AAMDC: variants seen among roughly 807,000 people sequenced by gnomAD.
The protein encoded by AAMDC is adipogenesis associated Mth938 domain containing, also known as mth938 domain-containing protein.
Under a neutral mutation model 15.5 loss-of-function variants are expected in AAMDC, and 16 were observed. The observed-to-expected ratio is 1.03, with a 90% CI of 0.70 to 1.57. The LOEUF (loss-of-function observed/expected upper bound fraction) is 1.57. Ranked by LOEUF, AAMDC falls within the 40% of genes most tolerant of loss-of-function variation. The pLI, the probability that AAMDC is intolerant of heterozygous loss-of-function variation, is 0.00. For missense variants in AAMDC, 141 were observed against 144.9 expected, an observed-to-expected ratio of 0.97 and a Z score of 0.14; for synonymous variants, 51 against 51.6, an observed-to-expected ratio of 0.99 and a Z score of 0.05.
At chr11:77,834,995 C>A (rs1482700714) in intron 1 of AAMDC, among the ~76,000 whole-genome samples, 1 of 152,064 alleles carries the variant, frequency 6.6e-6, no homozygotes, top group African/African-American at 2.4e-5. Context: ...AAAAAAGTAA[C>A]AACAAAAATC....
intron 5 of AAMDC, among the ~76,000 whole-genome samples, chr11:77,893,996 C>T (rs1952398134): frequency 2.0e-5 from 3 of 151,788 alleles, no homozygotes; most frequent in South Asian, 2.1e-4. Flanking sequence ...CGTATTTACA[C>T]GTTTTCTTCA....
chr11:77,878,663 A>G (rs1159653072), intron 5 of AAMDC: 1 of 658,294 alleles, frequency 1.5e-6, no homozygotes, highest in East Asian at 2.7e-5. Context: ...AGCACGTAGT[A>G]TAAAAGCTGA....
chr11:77,883,365 C>G (rs1951867976), intron 5 of AAMDC, among the ~76,000 whole-genome samples: 1 of 151,998 alleles, frequency 6.6e-6, no homozygotes, highest in Admixed American at 6.6e-5. Context: ...CCCATTTTAT[C>G]CTCACAATTC....
intron 5 of AAMDC, among the ~76,000 whole-genome samples, chr11:77,879,585 G>A (rs778164256): frequency 6.6e-6 from 1 of 152,162 alleles, no homozygotes; most frequent in Non-Finnish European, 1.5e-5. Flanking sequence ...TGAATAGGAA[G>A]TGGTTCGCCA....
At chr11:77,867,753 C>T (rs982524123) in intron 2 of AAMDC, among the ~76,000 whole-genome samples, 1 of 152,204 alleles carries the variant, frequency 6.6e-6, no homozygotes, top group Non-Finnish European at 1.5e-5. Context: ...GTTCAAGAAG[C>T]TACCATCCTT....
chr11:77,899,824 T>C (rs1445662298), intron 5 of AAMDC, among the ~76,000 whole-genome samples: 2 of 152,100 alleles, frequency 1.3e-5, no homozygotes, highest in African/African-American at 4.8e-5. Flanking sequence ...ATGATCCCCT[T>C]TATGTTATTG....
intron 5 of AAMDC, among the ~76,000 whole-genome samples, chr11:77,878,319 G>C (rs1470350370): frequency 6.7e-6 from 1 of 150,108 alleles, no homozygotes; most frequent in Non-Finnish European, 1.5e-5. Context: ...CCAAGATCAC[G>C]CCACTGCACT....
chr11:77,872,888 T>C (rs1353795649), downstream of AAMDC, among the ~76,000 whole-genome samples: 1 of 152,102 alleles, frequency 6.6e-6, no homozygotes, highest in Non-Finnish European at 1.5e-5. Context: ...GAGGTAGAGG[T>C]TGCGGTGAGC....
At chr11:77,889,326 C>T (rs540596125) in intron 5 of AAMDC, among the ~76,000 whole-genome samples, 1 of 146,004 alleles carries the variant, frequency 6.8e-6, no homozygotes, top group African/African-American at 2.5e-5. Context: ...TGTTCTCACT[C>T]ATAGGTGGGA....
rs1950394942 is a variant in AAMDC at position 77,851,781 on chromosome 11, T to A, written c.132+9153T>A. Among the ~76,000 whole-genome samples the A allele has an allele frequency of 2.6e-5, 4 of 152,290 alleles. No individual in the cohort carries two copies. The South Asian group carries it at 6.2e-4, about 24-fold the overall frequency. ...AAGGCCTCCTCAGAAGTCAAGCAGA[T>A]GCTGGTATCATGCTTGTACAGCCTG... On this transcript the variant is annotated intron_variant, in intron 2 of 3. Coordinates refer to ENST00000393427, the MANE Select transcript of AAMDC (RefSeq NM_024684.4).
chr11:77,853,803 T>C (rs1565206555), intron 2 of AAMDC, among the ~76,000 whole-genome samples: 1 of 151,790 alleles, frequency 6.6e-6, no homozygotes, highest in Non-Finnish European at 1.5e-5. Context: ...TAGCTGGGCA[T>C]GGTGGTGCAC....
intron 2 of AAMDC, among the ~76,000 whole-genome samples, chr11:77,843,899 G>T (rs7110322): frequency 0.13 from 19,677 of 152,098 alleles, 1,452 homozygotes; most frequent in Admixed American, 0.19. Flanking sequence ...TACATGGATG[G>T]TGGCAGGCAA....
Position 77,860,314 on chromosome 11 carries a change from C to A in AAMDC, c.133-9408C>A, listed in dbSNP as rs973434774. ...TGGCTATTTCACCATACCTGGGAAT[C>A]CATATTTGGCAGAAGCCTGTTATGC... On this transcript the variant is annotated intron_variant, in intron 2 of 3. Coordinates refer to ENST00000393427, the MANE Select transcript of AAMDC (RefSeq NM_024684.4). 2.6e-5 allele frequency among the ~76,000 whole-genome samples: 4 copies of A among 152,198 alleles called. No individual in the cohort carries two copies. The South Asian group carries it at 6.2e-4, about 24-fold the overall frequency.
At chr11:77,879,113 C>T in intron 5 of AAMDC, 1 of 1,614,118 alleles carries the variant, frequency 6.2e-7, no homozygotes, top group Non-Finnish European at 8.5e-7. Flanking sequence ...AGCCTCACTT[C>T]CACCTGGCAT....
At chr11:77,871,958 C>T (rs544200484) in intron 3 of AAMDC, among the ~76,000 whole-genome samples, 7 of 152,336 alleles carry the variant, frequency 4.6e-5, no homozygotes, top group Non-Finnish European at 8.8e-5. Flanking sequence ...TTCCATTTCA[C>T]TTGAGCTTTA....
At chr11:77,905,350 G>C (rs1565235372), downstream of AAMDC, among the ~76,000 whole-genome samples, 1 of 151,992 alleles carries the variant, frequency 6.6e-6, no homozygotes, top group Non-Finnish European at 1.5e-5. Flanking sequence ...CCAGCTACTT[G>C]GGAGACTGAG....
At chr11:77,887,027 C>A (rs1469671706) in intron 5 of AAMDC, among the ~76,000 whole-genome samples, 1 of 151,696 alleles carries the variant, frequency 6.6e-6, no homozygotes, top group Non-Finnish European at 1.5e-5. Context: ...CCTAACATCA[C>A]AATTAAAAGA....
At chr11:77,823,260 A>G (rs940978023) in intron 1 of AAMDC, among the ~76,000 whole-genome samples, 3 of 151,868 alleles carry the variant, frequency 2.0e-5, no homozygotes, top group African/African-American at 7.3e-5. Flanking sequence ...CTTCAGGAAA[A>G]TATCTTTATG....
intron 2 of AAMDC, among the ~76,000 whole-genome samples, chr11:77,849,643 G>C (rs1383141497): frequency 2.6e-5 from 4 of 151,878 alleles, no homozygotes; most frequent in Admixed American, 2.6e-4. Context: ...GTTTTTTTGT[G>C]TGTTTTTTTT....
Sources: gnomAD v4.1 joint callset for allele counts (sites outside exome capture counted in the v4.1 genomes callset) on GRCh38, gnomAD v4.1.1 for gene constraint, MANE v1.5 for transcripts, NCBI Gene and HGNC (gene_info 2026-07-23, HGNC 2026-07-21) for gene names.